The following ARHGAP26 variants were observed in gnomAD, a reference collection of about 807,000 sequenced individuals.
The protein encoded by ARHGAP26 is rho GTPase-activating protein 26.
ARHGAP26 carries 38 observed loss-of-function variants against 104.8 expected under a neutral mutation model. That is an observed-to-expected ratio of 0.36 (90% CI 0.28 to 0.48). The LOEUF (loss-of-function observed/expected upper bound fraction) is 0.48, where lower values mean the gene tolerates loss of function less well. ARHGAP26 is among the 20% of genes least tolerant of loss of function. The pLI, the probability that ARHGAP26 is intolerant of heterozygous loss-of-function variation, is 0.99. For missense variants in ARHGAP26, 704 were observed against 947.9 expected, an observed-to-expected ratio of 0.74 and a Z score of 3.38; for synonymous variants, 341 against 340.0, an observed-to-expected ratio of 1.00 and a Z score of -0.03.
intron 6 of ARHGAP26, 115 bp downstream of exon 6, chr5:142,894,463 C>T: frequency 3.3e-6 from 3 of 897,360 alleles, no homozygotes; most frequent in Non-Finnish European, 5.2e-6. Flanking sequence ...AGCCCTGACA[C>T]TGTCCCTTCT....
chr5:142,905,252 ATGT>A (rs569341846), intron 8 of ARHGAP26, among the ~76,000 whole-genome samples: 125 of 152,280 alleles, frequency 8.2e-4, no homozygotes, highest in African/African-American at 2.6e-3. Context: ...TATAAAATCA[ATGT>A]TGTTTTTTTG....
At chr5:142,998,688 C>T (rs1015457871) in intron 11 of ARHGAP26, among the ~76,000 whole-genome samples, 3 of 152,040 alleles carry the variant, frequency 2.0e-5, no homozygotes, top group Non-Finnish European at 4.4e-5. Context: ...CGAGCCACTG[C>T]CCTACAGCCT....
intron 12 of ARHGAP26, among the ~76,000 whole-genome samples, chr5:143,015,742 G>A (rs1239788921): frequency 6.6e-6 from 1 of 152,080 alleles, no homozygotes; most frequent in Admixed American, 6.5e-5. Flanking sequence ...GGAGAGGCAC[G>A]TGAATGGAGA....
At chr5:142,886,651 G>T (rs969590840) in intron 5 of ARHGAP26, among the ~76,000 whole-genome samples, 3 of 152,072 alleles carry the variant, frequency 2.0e-5, no homozygotes, top group African/African-American at 7.2e-5. Context: ...CAAAAGCGGA[G>T]GAAGTGCTTC....
intron 11 of ARHGAP26, among the ~76,000 whole-genome samples, chr5:142,940,179 C>G (rs906877997): frequency 6.6e-5 from 10 of 152,202 alleles, no homozygotes; most frequent in Non-Finnish European, 1.2e-4. Flanking sequence ...CAGTCTGCGG[C>G]TGACACTTGC....
At chr5:142,963,720 C>A (rs1333578174) in intron 11 of ARHGAP26, among the ~76,000 whole-genome samples, 1 of 152,184 alleles carries the variant, frequency 6.6e-6, no homozygotes, top group Non-Finnish European at 1.5e-5. Flanking sequence ...TCTTCCCAAC[C>A]TCTAGAACCT....
At chr5:142,901,376 T>C (rs776490992) in intron 6 of ARHGAP26, among the ~76,000 whole-genome samples, 2 of 152,220 alleles carry the variant, frequency 1.3e-5, no homozygotes, top group African/African-American at 4.8e-5. Flanking sequence ...GTGTTTACTT[T>C]TGAGTAGTTT....
chr5:143,035,065 TTC>T (rs1373642388), intron 12 of ARHGAP26, among the ~76,000 whole-genome samples: 2 of 152,218 alleles, frequency 1.3e-5, no homozygotes, highest in Non-Finnish European at 2.9e-5. Context: ...TCTGTTTCTT[TTC>T]TGGTACTTTA....
At chr5:142,781,529 C>T (rs1757485105) in intron 1 of ARHGAP26, among the ~76,000 whole-genome samples, 1 of 152,106 alleles carries the variant, frequency 6.6e-6, no homozygotes, top group African/African-American at 2.4e-5. Flanking sequence ...GAATGGACAC[C>T]ATCTGCCCAT....
chr5:142,864,770 A>G (rs543490110), intron 1 of ARHGAP26, among the ~76,000 whole-genome samples: 25 of 152,320 alleles, frequency 1.6e-4, no homozygotes, highest in Non-Finnish European at 3.5e-4. Flanking sequence ...GAATTCCCAC[A>G]ACAGCCCTGT....
At chr5:142,905,515 C>T (rs1239860036) in intron 8 of ARHGAP26, among the ~76,000 whole-genome samples, 1 of 152,144 alleles carries the variant, frequency 6.6e-6, no homozygotes, top group Non-Finnish European at 1.5e-5. Flanking sequence ...CAATTTTTAA[C>T]ATTTAGCCAC....
intron 14 of ARHGAP26, among the ~76,000 whole-genome samples, chr5:143,053,598 TCTTTTATCATACATG>T (rs1785342405): frequency 6.6e-6 from 1 of 152,242 alleles, no homozygotes; most frequent in Non-Finnish European, 1.5e-5. Flanking sequence ...TCTCTCCTGT[TCTTTTATCATACATG>T]CTTGTTTAAA....
chr5:142,846,379 T>C (rs1400101623), intron 1 of ARHGAP26, among the ~76,000 whole-genome samples: 3 of 152,190 alleles, frequency 2.0e-5, no homozygotes, highest in Non-Finnish European at 2.9e-5. Context: ...ATGCCACCTT[T>C]CGTGCCTGTC....
intron 11 of ARHGAP26, among the ~76,000 whole-genome samples, chr5:142,939,293 C>T (rs562436508): frequency 2.0e-5 from 3 of 152,102 alleles, no homozygotes; most frequent in Non-Finnish European, 4.4e-5. Context: ...TCAACCTTTA[C>T]TTTTTAAGTA....
chr5:143,218,829 A>G (rs1043190625), intron 22 of ARHGAP26, among the ~76,000 whole-genome samples: 3 of 152,258 alleles, frequency 2.0e-5, no homozygotes, highest in African/African-American at 7.2e-5. Context: ...GCTAGGCAAC[A>G]GCAGTAGTAG....
At chr5:143,092,653 A>AT (rs1791625668) in intron 17 of ARHGAP26, among the ~76,000 whole-genome samples, 1 of 152,138 alleles carries the variant, frequency 6.6e-6, no homozygotes, top group East Asian at 1.9e-4. Flanking sequence ...AGAAGTTAGG[A>AT]TAATACATGT....
intron 20 of ARHGAP26, chr5:143,164,873 C>T (rs1392346700): frequency 1.3e-5 from 2 of 152,112 alleles, no homozygotes; most frequent in Admixed American, 6.5e-5. Flanking sequence ...CAAAAATGTT[C>T]GACAGAAACC....
intron 20 of ARHGAP26, among the ~76,000 whole-genome samples, chr5:143,206,548 C>T (rs1220791538): frequency 2.6e-5 from 4 of 152,110 alleles, no homozygotes; most frequent in East Asian, 1.9e-4. Flanking sequence ...CCAAATTCCA[C>T]GAAAGGAGAA....
intron 17 of ARHGAP26, among the ~76,000 whole-genome samples, chr5:143,088,325 G>C (rs1242237236): frequency 1.3e-5 from 2 of 152,172 alleles, no homozygotes. Context: ...ACTTGTTATA[G>C]TGGGACATAT....
Sources: gnomAD v4.1 joint callset for allele counts (sites outside exome capture counted in the v4.1 genomes callset) on GRCh38, gnomAD v4.1.1 for gene constraint, MANE v1.5 for transcripts, NCBI Gene and HGNC (gene_info 2026-07-23, HGNC 2026-07-21) for gene names.